Variants in EPHA6 observed in about 807,000 individuals in gnomAD.
EPHA6 encodes EPH receptor A6.
EPHA6 carries 50 observed loss-of-function variants against 112.0 expected under a neutral mutation model. The observed-to-expected ratio is 0.45, with a 90% confidence interval of 0.36 to 0.56. EPHA6 has a LOEUF of 0.56. EPHA6 is among the 20% of genes least tolerant of loss of function. EPHA6 has a pLI of 0.00. For synonymous variants in EPHA6, 529 were observed against 490.7 expected, an observed-to-expected ratio of 1.08 and a Z score of -1.03; for missense variants, 1,280 against 1,417.4, an observed-to-expected ratio of 0.90 and a Z score of 1.56.
intron 11 of EPHA6, among the ~76,000 whole-genome samples, chr3:97,556,460 CCTT>C (rs1441264358): frequency 3.3e-5 from 5 of 152,016 alleles, no homozygotes; most frequent in South Asian, 2.1e-4. Flanking sequence ...GCAAGCATGT[CCTT>C]CTTCACATGG....
At chr3:97,394,719 A>C (rs1042570240) in intron 5 of EPHA6, among the ~76,000 whole-genome samples, 3 of 151,782 alleles carry the variant, frequency 2.0e-5, no homozygotes, top group Admixed American at 6.6e-5. Flanking sequence ...TCTAAACTGC[A>C]ATGAGATATT....
At chr3:97,415,163 G>GA (rs894865392) in intron 6 of EPHA6, among the ~76,000 whole-genome samples, 10 of 150,624 alleles carry the variant, frequency 6.6e-5, no homozygotes, top group East Asian at 3.9e-4. Flanking sequence ...AAAAATTACA[G>GA]AAAAAAAAAG....
At chr3:97,070,667 G>T (rs995205201) in intron 3 of EPHA6, among the ~76,000 whole-genome samples, 1 of 152,020 alleles carries the variant, frequency 6.6e-6, no homozygotes, top group African/African-American at 2.4e-5. Flanking sequence ...GTGCATGCTA[G>T]GAGCACCTTG....
chr3:96,898,753 G>C (rs1370518990), intron 2 of EPHA6, among the ~76,000 whole-genome samples: 1 of 152,038 alleles, frequency 6.6e-6, no homozygotes, highest in East Asian at 1.9e-4. Context: ...AATTTGGCCG[G>C]GCGCGGTGGC....
intron 10 of EPHA6, among the ~76,000 whole-genome samples, chr3:97,496,010 A>C (rs565546109): frequency 2.6e-5 from 4 of 152,260 alleles, no homozygotes; most frequent in Non-Finnish European, 5.9e-5. Flanking sequence ...TTCAGAACTA[A>C]ATCAAAATAA....
rs1242673847 is a variant in EPHA6 at position 96,933,326 on chromosome 3, TCTGA to T, written c.451-54001_451-53998del. On this transcript the variant is annotated intron_variant, in intron 2 of 17. Transcript: ENST00000389672. Reference sequence around the variant, plus strand: ...AAAAATGAGGTCCTGGTTACATTCCTCTGACTAACAATATATTTAATTATTGTAT... The same window carrying T: ...AAAAATGAGGTCCTGGTTACATTCCTCTAACAATATATTTAATTATTGTAT... 3.3e-5 allele frequency among the ~76,000 whole-genome samples: 5 copies of T among 152,206 alleles called. No individual in the cohort carries two copies. The East Asian group carries it at 5.8e-4, about 18-fold the overall frequency.
At chr3:97,363,324 T>A (rs1194759859) in intron 5 of EPHA6, among the ~76,000 whole-genome samples, 2 of 149,064 alleles carry the variant, frequency 1.3e-5, no homozygotes, top group Non-Finnish European at 3.0e-5. Context: ...AAATCCTAAC[T>A]AAGTTTTAAG....
At chr3:96,988,080 G>A (rs2043086061) in intron 3 of EPHA6, 87 bp downstream of exon 3, 1 of 1,027,782 alleles carries the variant, frequency 9.7e-7, no homozygotes, top group East Asian at 2.6e-5. Context: ...TAGTAATTGT[G>A]CATATTCATG....
At chr3:96,853,953 A>G (rs974564143) in intron 1 of EPHA6, among the ~76,000 whole-genome samples, 1 of 152,044 alleles carries the variant, frequency 6.6e-6, no homozygotes, top group African/African-American at 2.4e-5. Flanking sequence ...GCAACTACTT[A>G]AAGATTTTCT....
intron 3 of EPHA6, among the ~76,000 whole-genome samples, chr3:97,165,908 C>G (rs2076531076): frequency 6.6e-6 from 1 of 152,088 alleles, no homozygotes; most frequent in Non-Finnish European, 1.5e-5. Flanking sequence ...CCCTACAAAT[C>G]AAGTTTGCAA....
intron 3 of EPHA6, among the ~76,000 whole-genome samples, chr3:97,090,410 C>T (rs1162327973): frequency 2.0e-5 from 3 of 151,912 alleles, no homozygotes; most frequent in Non-Finnish European, 4.4e-5. Context: ...CTCCTGCGGG[C>T]ATTGCAGTAT....
At chr3:97,111,477 A>G (rs1396780096) in intron 3 of EPHA6, among the ~76,000 whole-genome samples, 2 of 152,102 alleles carry the variant, frequency 1.3e-5, no homozygotes, top group Non-Finnish European at 1.5e-5. Flanking sequence ...TCTAATGCAT[A>G]TTTTCATCTA....
chr3:97,030,194 A>G (rs1375026099), intron 3 of EPHA6, among the ~76,000 whole-genome samples: 1 of 152,084 alleles, frequency 6.6e-6, no homozygotes, highest in African/African-American at 2.4e-5. Flanking sequence ...TTGAGTTATT[A>G]CTACTGACTT....
At position 96,965,833 on chromosome 3, in the gene EPHA6, A is replaced by G. The variant is rs569142982; in HGVS notation, c.451-21497A>G. On this transcript the variant is annotated intron_variant, in intron 2 of 17. Coordinates refer to ENST00000389672, the MANE Select transcript of EPHA6 (RefSeq NM_001080448.3). ...GGATCAAACTTCTTATAAAGGGTTTATGTAGAGAGGCAGTTTTATTTTTCT... is the reference window on the plus strand; with the variant it reads ...GGATCAAACTTCTTATAAAGGGTTTGTGTAGAGAGGCAGTTTTATTTTTCT... 5.9e-5 allele frequency among the ~76,000 whole-genome samples: 9 copies of G among 152,246 alleles called. No homozygotes were observed. The East Asian group carries it at 1.7e-3, about 29-fold the overall frequency.
intron 2 of EPHA6, among the ~76,000 whole-genome samples, chr3:96,946,791 A>T (rs1394923841): frequency 2.0e-5 from 3 of 152,190 alleles, no homozygotes; most frequent in Admixed American, 6.6e-5. Context: ...AGACCCACCA[A>T]CAGTGTAAAA....
chr3:97,582,875 T>C (rs1457070927), intron 11 of EPHA6, among the ~76,000 whole-genome samples: 2 of 152,080 alleles, frequency 1.3e-5, no homozygotes, highest in African/African-American at 4.8e-5. Context: ...AAGGATGTTA[T>C]TGTATCTGTG....
intron 10 of EPHA6, among the ~76,000 whole-genome samples, chr3:97,493,623 C>CTGTGTGTGTGTGTGTGTGTGTGTGTG (rs373276812): frequency 5.6e-4 from 83 of 147,388 alleles, no homozygotes; most frequent in African/African-American, 2.0e-3. Flanking sequence ...ATTTAGTCCT[C>CTGTGTGTGTGTGTGTGTGTGTGTGTG]TGTGTGTGTG....
At chr3:97,190,184 T>C (rs921873206) in intron 3 of EPHA6, among the ~76,000 whole-genome samples, 4 of 152,180 alleles carry the variant, frequency 2.6e-5, no homozygotes, top group Non-Finnish European at 5.9e-5. Context: ...AACCACCCTT[T>C]ACTTGTAGTG....
At chr3:97,311,442 T>TCACACACACA (rs35415439) in intron 5 of EPHA6, among the ~76,000 whole-genome samples, 2,236 of 144,108 alleles carry the variant, frequency 0.016, 40 homozygotes, top group African/African-American at 0.044. Context: ...GATTACACTT[T>TCACACACACA]CACACACACA....
Sources: gnomAD v4.1 joint callset for allele counts (sites outside exome capture counted in the v4.1 genomes callset) on GRCh38, gnomAD v4.1.1 for gene constraint, MANE v1.5 for transcripts, NCBI Gene and HGNC (gene_info 2026-07-23, HGNC 2026-07-21) for gene names.